Variants in CUX1 observed in about 807,000 individuals in gnomAD.
CUX1 encodes the protein protein CASP.
A neutral mutation model predicts 158.8 loss-of-function variants in CUX1; 31 were observed. That is an observed-to-expected ratio of 0.20 (90% CI 0.15 to 0.26). The LOEUF (loss-of-function observed/expected upper bound fraction) is 0.26. Ranked by LOEUF, CUX1 falls within the 10% of genes least tolerant of loss-of-function variation. CUX1 has a pLI of 1.00. For synonymous variants in CUX1, 879 were observed against 862.1 expected, an observed-to-expected ratio of 1.02 and a Z score of -0.34; for missense variants, 1,589 against 2,014.6, an observed-to-expected ratio of 0.79 and a Z score of 4.04.
Position 102,189,800 on chromosome 7 carries a change from T to C in CUX1, c.1018-13T>C. 1 of 1,614,170 alleles carries C rather than the reference T, an allele frequency of 6.2e-7. No homozygotes were observed. The highest frequency in any genetic ancestry group is 8.5e-7 in the Non-Finnish European group (1 of 1,179,984). ...CAGGCATGGCCACTGATCAAATTCT[T>C]CTCTGTTTTCAGCAACTGGAAGAAA... On this transcript the variant is annotated splice_polypyrimidine_tract_variant and intron_variant, in intron 11 of 23. Transcript: ENST00000292535.
chr7:102,048,038 T>C (rs1029971768), intron 3 of CUX1, among the ~76,000 whole-genome samples: 1 of 152,156 alleles, frequency 6.6e-6, no homozygotes, highest in Non-Finnish European at 1.5e-5. Context: ...CCTTTGCTAA[T>C]AATATTTTGC....
At chr7:101,817,471 G>A (rs1352158927), upstream of CUX1, 2 of 1,078,462 alleles carry the variant, frequency 1.9e-6, no homozygotes, top group Non-Finnish European at 2.2e-6. This position sits in a 1 kb window ranked among gnomAD's most constrained non-coding sequence, Gnocchi z 4.1. Context: ...CGCCGCGGGG[G>A]GACCGTGCCG....
chr7:102,222,690 C>T (rs1203596296), intron 20 of CUX1, among the ~76,000 whole-genome samples: 2 of 151,686 alleles, frequency 1.3e-5, no homozygotes, highest in East Asian at 1.9e-4. Flanking sequence ...AAGGCAGGCA[C>T]AGTCACTCTG....
intron 3 of CUX1, among the ~76,000 whole-genome samples, chr7:102,028,628 G>A (rs894143565): frequency 6.6e-6 from 1 of 152,162 alleles, no homozygotes; most frequent in African/African-American, 2.4e-5. Flanking sequence ...GCAAGCCTAG[G>A]CTCAGTAGAA....
In CUX1 at chr7:102,255,410, A is replaced by G; in HGVS notation, c.*6368A>G. 6 of 985,316 alleles carry G rather than the reference A, an allele frequency of 6.1e-6. No homozygotes were observed. The highest frequency in any genetic ancestry group is 7.2e-6 in the Non-Finnish European group (6 of 829,904). The allele number at this position is 985,316 out of a possible 1,614,324, so 61.0% of individuals were successfully genotyped here. A position where few individuals can be genotyped will look rare whatever the true frequency, so the allele number is the denominator to read the frequency against. ...CAAAAAAAAAAAAAGACAAAAAAAA[A>G]AGGCTGGCGAGAGAAAGACATTTGG... On this transcript the variant is annotated 3_prime_UTR_variant, in exon 24 of 24. Coordinates refer to ENST00000292535, the MANE Select transcript of CUX1 (RefSeq NM_181552.4).
At chr7:102,279,902 C>A in intron 18 of CUX1, 1 of 652,002 alleles carries the variant, frequency 1.5e-6, no homozygotes, top group South Asian at 1.7e-5. Context: ...CCTCTCCTCC[C>A]GCCTCTGAGA....
chr7:101,908,231 G>A (rs1037988478), intron 1 of CUX1, among the ~76,000 whole-genome samples: 1 of 152,186 alleles, frequency 6.6e-6, no homozygotes, highest in African/African-American at 2.4e-5. Flanking sequence ...GACATATTCT[G>A]GGGAGGTGTT....
chr7:102,140,728 G>A (rs532734785), intron 8 of CUX1, among the ~76,000 whole-genome samples: 14 of 152,068 alleles, frequency 9.2e-5, no homozygotes, highest in African/African-American at 3.4e-4. Context: ...AGCTGAGCGT[G>A]GTGGTGCACG....
At chr7:101,913,359 G>T (rs1347855264) in intron 1 of CUX1, 5 of 1,263,434 alleles carry the variant, frequency 4.0e-6, no homozygotes, top group Non-Finnish European at 5.2e-6. Flanking sequence ...GGGAAGGGAG[G>T]GCCGCAGACC....
chr7:102,202,214 C>T lies in CUX1; in HGVS notation c.2907+10C>T. 6.3e-7 allele frequency: 1 copy of T among 1,591,752 alleles called. No individual in the cohort carries two copies. The highest frequency in any genetic ancestry group is 8.6e-7 in the Non-Finnish European group (1 of 1,167,076). On this transcript the variant is annotated intron_variant, in intron 18 of 23. Transcript: ENST00000292535. Reference sequence around the variant, plus strand: ...AATCTTCGGGGAGAAGGTAAGGGATCTGCTCTGGGGGCTTTGGTTCTCCCA... The same window carrying T: ...AATCTTCGGGGAGAAGGTAAGGGATTTGCTCTGGGGGCTTTGGTTCTCCCA...
At chr7:102,176,791 T>C (rs1360020512) in intron 10 of CUX1, among the ~76,000 whole-genome samples, 1 of 151,912 alleles carries the variant, frequency 6.6e-6, no homozygotes, top group Non-Finnish European at 1.5e-5. Context: ...CAAGCTGGTC[T>C]CGAACTCTTG....
intron 4 of CUX1, among the ~76,000 whole-genome samples, chr7:102,088,479 C>T (rs7781681): frequency 6.6e-6 from 1 of 151,840 alleles, no homozygotes; most frequent in African/African-American, 2.4e-5. Flanking sequence ...ACTAGAAAAA[C>T]AAGAATTAGC....
At chr7:101,839,410 G>A (rs576862315) in intron 1 of CUX1, among the ~76,000 whole-genome samples, 8 of 152,074 alleles carry the variant, frequency 5.3e-5, no homozygotes, top group African/African-American at 1.7e-4. Flanking sequence ...CTTCTTTCAC[G>A]AAGCACCTCC....
downstream of CUX1, among the ~76,000 whole-genome samples, chr7:102,260,590 T>G (rs1554543628): frequency 8.9e-6 from 1 of 112,112 alleles, no homozygotes; most frequent in Non-Finnish European, 1.9e-5. Flanking sequence ...TTTTTTTTTT[T>G]TTTTTGTATT....
At chr7:102,089,268 G>T (rs1356793644) in intron 4 of CUX1, among the ~76,000 whole-genome samples, 1 of 152,056 alleles carries the variant, frequency 6.6e-6, no homozygotes, top group Non-Finnish European at 1.5e-5. Context: ...GTTCTAGTCT[G>T]CTTCTTCCAT....
chr7:102,278,866 C>A (rs111346629), intron 18 of CUX1, among the ~76,000 whole-genome samples: 5,183 of 151,434 alleles, frequency 0.034, 268 homozygotes, highest in African/African-American at 0.12. Flanking sequence ...ATAGTGAAAC[C>A]CTATCTCTAC....
At chr7:102,237,936 CAG>C (rs782317563) in intron 22 of CUX1, among the ~76,000 whole-genome samples, 3 of 151,838 alleles carry the variant, frequency 2.0e-5, no homozygotes, top group Admixed American at 6.6e-5. Flanking sequence ...GCAGCCGAGG[CAG>C]AGAGAGAGAG....
intron 2 of CUX1, chr7:101,932,746 C>CAAAA: frequency 2.6e-6 from 1 of 378,336 alleles, no homozygotes; most frequent in Admixed American, 3.2e-5. Context: ...TTGCCGCCAT[C>CAAAA]AAGAAAAAAT....
At chr7:101,967,524 T>G (rs1312157326) in intron 2 of CUX1, among the ~76,000 whole-genome samples, 1 of 152,224 alleles carries the variant, frequency 6.6e-6, no homozygotes, top group East Asian at 1.9e-4. Flanking sequence ...ATGCAAATTC[T>G]TTCGCAAATA....
Sources: allele counts gnomAD v4.1 joint callset (sites outside exome capture counted in the v4.1 genomes callset), GRCh38; gene constraint gnomAD v4.1.1; non-coding constraint Gnocchi (gnomAD v3.1); transcripts MANE v1.5; gene names NCBI Gene and HGNC (gene_info 2026-07-23, HGNC 2026-07-21).